Variants in CLIC5 observed in about 807,000 individuals in gnomAD.
The protein encoded by CLIC5 is chloride intracellular channel protein 5.
In CLIC5, 20 loss-of-function variants were observed where a neutral mutation model predicts 24.7. That is an observed-to-expected ratio of 0.81 (90% CI 0.57 to 1.18). CLIC5 has a LOEUF of 1.18. Ranked by LOEUF, CLIC5 falls within the 50% of genes most tolerant of loss-of-function variation. The probability of loss-of-function intolerance (pLI) is 0.00; values close to 1 mark genes in which losing one functional copy is unlikely to be tolerated. For synonymous variants in CLIC5, 159 were observed against 135.6 expected, an observed-to-expected ratio of 1.17 and a Z score of -1.20; for missense variants, 341 against 326.1, an observed-to-expected ratio of 1.05 and a Z score of -0.35.
At chr6:46,003,935 G>A (rs146074553) in intron 1 of CLIC5, among the ~76,000 whole-genome samples, 63 of 152,242 alleles carry the variant, frequency 4.1e-4, no homozygotes, top group Non-Finnish European at 6.5e-4. Flanking sequence ...TGCAGCCCCT[G>A]ACAAATCACC....
chr6:45,972,675 G>T (rs1304196639), intron 1 of CLIC5, among the ~76,000 whole-genome samples: 1 of 152,154 alleles, frequency 6.6e-6, no homozygotes, highest in Non-Finnish European at 1.5e-5. Flanking sequence ...ATCAGAACCT[G>T]CATTTTCAGT....
chr6:46,107,268 T>C, the CLIC5 span, among the ~76,000 whole-genome samples: 7 of 152,190 alleles, frequency 4.6e-5, no homozygotes, highest in Non-Finnish European at 1.0e-4. Flanking sequence ...TTTTAATCTG[T>C]GAGTTTATGT....
chr6:45,989,891 A>G (rs577245898), intron 1 of CLIC5, among the ~76,000 whole-genome samples: 2 of 152,300 alleles, frequency 1.3e-5, no homozygotes, highest in South Asian at 2.1e-4. Context: ...CTGTGTATCT[A>G]TGATGGGATT....
At chr6:45,996,680 A>G (rs1581840809) in intron 1 of CLIC5, among the ~76,000 whole-genome samples, 1 of 152,332 alleles carries the variant, frequency 6.6e-6, no homozygotes, top group East Asian at 1.9e-4. Context: ...AACCCCATCA[A>G]AAAGTGGGCG....
chr6:45,999,441 A>T (rs1409427482), intron 1 of CLIC5, among the ~76,000 whole-genome samples: 1 of 152,200 alleles, frequency 6.6e-6, no homozygotes, highest in Admixed American at 6.5e-5. Context: ...AGAAAAGTGT[A>T]TGTATACATA....
the CLIC5 span, among the ~76,000 whole-genome samples, chr6:46,087,114 A>T: frequency 6.6e-6 from 1 of 152,182 alleles, no homozygotes; most frequent in Non-Finnish European, 1.5e-5. Context: ...TCTCAAATTG[A>T]ACATGGTCAT....
At chr6:45,912,676 TG>T in intron 5 of CLIC5, 1 of 1,534,724 alleles carries the variant, frequency 6.5e-7, no homozygotes, top group Non-Finnish European at 8.7e-7. Context: ...ATCTTTGCAT[TG>T]TATCACTCTG....
At chr6:46,043,273 C>G (rs905551187) in intron 1 of CLIC5, among the ~76,000 whole-genome samples, 3 of 152,230 alleles carry the variant, frequency 2.0e-5, no homozygotes, top group African/African-American at 7.2e-5. Context: ...TTTGCTATAG[C>G]CTTATAAAGC....
chr6:45,972,741 C>T (rs753733110), intron 1 of CLIC5, among the ~76,000 whole-genome samples: 13 of 152,168 alleles, frequency 8.5e-5, no homozygotes, highest in Non-Finnish European at 1.5e-4. Flanking sequence ...TCTTCAGAAC[C>T]TTTGCAAGAT....
chr6:46,060,351 T>C (rs1762215700), intron 1 of CLIC5, among the ~76,000 whole-genome samples: 1 of 152,088 alleles, frequency 6.6e-6, no homozygotes, highest in East Asian at 1.9e-4. Context: ...AAATTACTTG[T>C]AAAATTATTG....
intron 1 of CLIC5, among the ~76,000 whole-genome samples, chr6:46,076,727 A>C (rs2127477589): frequency 6.6e-6 from 1 of 152,352 alleles, no homozygotes; most frequent in African/African-American, 2.4e-5. Context: ...TTGTTAGAGC[A>C]GAAATAAGAA....
intron 1 of CLIC5, among the ~76,000 whole-genome samples, chr6:46,070,415 C>T (rs1762561688): frequency 1.3e-5 from 2 of 152,068 alleles, no homozygotes; most frequent in African/African-American, 4.8e-5. Flanking sequence ...CACTAGTATT[C>T]CTATACACCA....
intron 1 of CLIC5, among the ~76,000 whole-genome samples, chr6:46,053,011 G>T (rs573145467): frequency 6.6e-6 from 1 of 152,130 alleles, no homozygotes; most frequent in African/African-American, 2.4e-5. Flanking sequence ...GAACATAACT[G>T]CTAAAAATGA....
chr6:46,030,179 G>A (rs563872473), intron 1 of CLIC5, among the ~76,000 whole-genome samples: 10 of 152,202 alleles, frequency 6.6e-5, no homozygotes, highest in African/African-American at 2.4e-4. Context: ...TTCCAAGATA[G>A]TGCACTACCA....
At chr6:45,961,412 G>T (rs1764837952) in intron 1 of CLIC5, among the ~76,000 whole-genome samples, 1 of 152,220 alleles carries the variant, frequency 6.6e-6, no homozygotes, top group Admixed American at 6.5e-5. Flanking sequence ...AGCACAGCTG[G>T]TTCCCATAGC....
intron 1 of CLIC5, among the ~76,000 whole-genome samples, chr6:46,065,561 C>T (rs532623967): frequency 1.3e-5 from 2 of 152,230 alleles, no homozygotes; most frequent in South Asian, 4.1e-4. Context: ...TAGCACAATA[C>T]ATTCACACAA....
At chr6:45,895,033 ATATT>A (rs1762381787), downstream of CLIC5, among the ~76,000 whole-genome samples, 1 of 152,162 alleles carries the variant, frequency 6.6e-6, no homozygotes, top group Non-Finnish European at 1.5e-5. Context: ...AAAAGTATTC[ATATT>A]TATATTCCTA....
chr6:46,055,477 A>G (rs1768221864), intron 1 of CLIC5, among the ~76,000 whole-genome samples: 1 of 152,152 alleles, frequency 6.6e-6, no homozygotes, highest in African/African-American at 2.4e-5. Flanking sequence ...ACCTCAGGTG[A>G]TCTGCCCGCC....
At chr6:46,085,707 G>T in the CLIC5 span, among the ~76,000 whole-genome samples, 1 of 152,156 alleles carries the variant, frequency 6.6e-6, no homozygotes, top group Non-Finnish European at 1.5e-5. Context: ...TCCCAGTTAG[G>T]CTGCCCACTT....
Sources: allele counts gnomAD v4.1 joint callset (sites outside exome capture counted in the v4.1 genomes callset), GRCh38; gene constraint gnomAD v4.1.1; transcripts MANE v1.5; gene names NCBI Gene and HGNC (gene_info 2026-07-23, HGNC 2026-07-21).